PLXDC2: variants seen among roughly 807,000 people sequenced by gnomAD.
The protein encoded by PLXDC2 is plexin domain containing 2, also known as plexin domain-containing protein 2.
A neutral mutation model predicts 68.9 loss-of-function variants in PLXDC2; 40 were observed. The observed-to-expected ratio is 0.58, with a 90% CI of 0.45 to 0.76. PLXDC2 has a LOEUF of 0.76. Ranked by LOEUF, PLXDC2 falls within the 30% of genes least tolerant of loss-of-function variation. The pLI is 0.00. For synonymous variants in PLXDC2, 243 were observed against 234.2 expected, an observed-to-expected ratio of 1.04 and a Z score of -0.34; for missense variants, 644 against 661.9, an observed-to-expected ratio of 0.97 and a Z score of 0.30.
intron 1 of PLXDC2, among the ~76,000 whole-genome samples, chr10:19,971,280 A>G (rs2131611691): frequency 6.6e-6 from 1 of 152,324 alleles, no homozygotes; most frequent in South Asian, 2.1e-4. Context: ...TATACTAATC[A>G]TAACATGACG....
intron 1 of PLXDC2, among the ~76,000 whole-genome samples, chr10:19,844,605 T>C (rs1042906313): frequency 4.0e-5 from 6 of 151,858 alleles, no homozygotes; most frequent in African/African-American, 1.5e-4. Context: ...TATTTTTTTT[T>C]CTTTTTTCTT....
intron 4 of PLXDC2, among the ~76,000 whole-genome samples, chr10:20,086,724 A>G (rs1308689899): frequency 1.3e-5 from 2 of 152,174 alleles, no homozygotes; most frequent in Admixed American, 1.3e-4. Context: ...AAGAGACAGC[A>G]TCTGTCACAA....
At chr10:20,142,156 T>C (rs922659655) in intron 4 of PLXDC2, among the ~76,000 whole-genome samples, 10 of 152,144 alleles carry the variant, frequency 6.6e-5, no homozygotes, top group Non-Finnish European at 1.5e-4. Flanking sequence ...CAATGAAATA[T>C]TTATTCAGAC....
intron 10 of PLXDC2, among the ~76,000 whole-genome samples, chr10:20,215,964 A>G (rs1030647619): frequency 4.6e-5 from 7 of 152,086 alleles, no homozygotes; most frequent in African/African-American, 1.7e-4. Flanking sequence ...GCCAAGTGGT[A>G]TGCACGGCCC....
chr10:20,093,372 T>G (rs531382755), intron 4 of PLXDC2, among the ~76,000 whole-genome samples: 5 of 152,274 alleles, frequency 3.3e-5, no homozygotes, highest in African/African-American at 9.6e-5. Context: ...TCTATCAATA[T>G]CTATATTAAT....
intron 1 of PLXDC2, among the ~76,000 whole-genome samples, chr10:19,904,764 C>T (rs1392956309): frequency 6.6e-6 from 1 of 152,160 alleles, no homozygotes; most frequent in Non-Finnish European, 1.5e-5. Flanking sequence ...AGTGGTCCTG[C>T]CTTCTATCCT....
intron 6 of PLXDC2, among the ~76,000 whole-genome samples, chr10:20,149,581 C>T (rs1834125658): frequency 6.6e-6 from 1 of 152,054 alleles, no homozygotes; most frequent in Non-Finnish European, 1.5e-5. Flanking sequence ...TCACCTTCCA[C>T]TCTCAAGTAG....
chr10:19,890,017 A>G (rs1050621571), intron 1 of PLXDC2, among the ~76,000 whole-genome samples: 6 of 152,170 alleles, frequency 3.9e-5, no homozygotes, highest in Non-Finnish European at 8.8e-5. Flanking sequence ...CTCGCGTTTC[A>G]GGGCCCTTTC....
At chr10:20,149,216 T>TC (rs1225131027) in intron 6 of PLXDC2, among the ~76,000 whole-genome samples, 1 of 137,500 alleles carries the variant, frequency 7.3e-6, no homozygotes, top group African/African-American at 2.6e-5. Flanking sequence ...TTTTCTTTCT[T>TC]TTTTTTTCTT....
At position 20,147,902 on chromosome 10, in the gene PLXDC2, A is replaced by G. The variant is rs758257951; in HGVS notation, c.783A>G (p.Glu261=). 5 of 1,578,648 alleles carry G rather than the reference A, an allele frequency of 3.2e-6. No individual in the cohort carries two copies. The highest frequency in any genetic ancestry group is 1.7e-5 in the Admixed American group (1 of 59,944). Residue 261 remains glutamate (E), a splice_region_variant and synonymous_variant, in exon 6 of 14, where the codon GAA becomes GAG. Transcript: ENST00000377252. ...GACGAATCATCTTTGGATACAAAGAAGTAAGTGATGCGTTGATAATTTCTT... is the reference window on the plus strand; with the variant it reads ...GACGAATCATCTTTGGATACAAAGAGGTAAGTGATGCGTTGATAATTTCTT... The part of the protein sequence containing the change: ...MDGRIIFGYK[E]IPVLVTQISS...
At chr10:20,261,631 G>T (rs1835809822) in intron 13 of PLXDC2, among the ~76,000 whole-genome samples, 1 of 152,110 alleles carries the variant, frequency 6.6e-6, no homozygotes, top group African/African-American at 2.4e-5. Context: ...GAGGCGGACG[G>T]ATCACCTGAG....
chr10:20,197,647 C>T (rs1564350211), intron 9 of PLXDC2, among the ~76,000 whole-genome samples: 1 of 151,928 alleles, frequency 6.6e-6, no homozygotes, highest in Non-Finnish European at 1.5e-5. Context: ...TAAGCCTCCG[C>T]ACCCGGCCTT....
chr10:20,188,108 A>G lies in PLXDC2; in HGVS notation c.1061+10699A>G, dbSNP rs1834710992. 2.6e-5 allele frequency among the ~76,000 whole-genome samples: 4 copies of G among 151,690 alleles called. No individual in the cohort carries two copies. The South Asian group carries it at 8.3e-4, about 31-fold the overall frequency. On this transcript the variant is annotated intron_variant, in intron 9 of 13. Coordinates refer to ENST00000377252, the MANE Select transcript of PLXDC2 (RefSeq NM_032812.9). ...CCCCAACTCATATAAGTGTAAATAA[A>G]TGTGAATGTTATTAAATATATACTA...
chr10:19,993,957 T>C (rs1023187180), intron 1 of PLXDC2, among the ~76,000 whole-genome samples: 49 of 152,190 alleles, frequency 3.2e-4, no homozygotes, highest in African/African-American at 1.1e-3. Context: ...GCCTCAGAGA[T>C]TGAACCCTTA....
intron 2 of PLXDC2, among the ~76,000 whole-genome samples, chr10:20,032,852 G>A (rs1393602846): frequency 1.3e-5 from 2 of 151,638 alleles, no homozygotes; most frequent in Admixed American, 6.6e-5. Context: ...GAGGACTTGG[G>A]AATATCATAG....
At chr10:20,211,583 C>T in intron 9 of PLXDC2, 86 bp from the exon 10 acceptor site, 1 of 1,160,718 alleles carries the variant, frequency 8.6e-7, no homozygotes, top group Non-Finnish European at 1.2e-6. Flanking sequence ...GAATGAACTA[C>T]CTACTAATCT....
chr10:19,894,746 G>A (rs1838027257), intron 1 of PLXDC2, among the ~76,000 whole-genome samples: 1 of 152,142 alleles, frequency 6.6e-6, no homozygotes, highest in African/African-American at 2.4e-5. Flanking sequence ...TCTCACGCCA[G>A]TTAGAATGGA....
chr10:20,242,004 G>A (rs910986690), intron 12 of PLXDC2, among the ~76,000 whole-genome samples: 2 of 152,072 alleles, frequency 1.3e-5, no homozygotes, highest in Non-Finnish European at 2.9e-5. Context: ...AGAAAGAGAG[G>A]GATGGAGGGA....
intron 1 of PLXDC2, among the ~76,000 whole-genome samples, chr10:19,829,443 T>C (rs543639127): frequency 4.6e-5 from 7 of 152,294 alleles, no homozygotes; most frequent in African/African-American, 1.7e-4. Context: ...TTACCACATG[T>C]TTCTTTGAGC....
Sources: gnomAD v4.1 joint callset for allele counts (sites outside exome capture counted in the v4.1 genomes callset) on GRCh38, gnomAD v4.1.1 for gene constraint, MANE v1.5 for transcripts, NCBI Gene and HGNC (gene_info 2026-07-23, HGNC 2026-07-21) for gene names.